Variants in UTRN observed in about 807,000 individuals in gnomAD.
UTRN encodes utrophin, also known as dystrophin-related protein 1.
Under a neutral mutation model 463.9 loss-of-function variants are expected in UTRN, and 283 were observed. The ratio of observed to expected loss-of-function variants is 0.61; its 90% CI spans 0.55 to 0.67. The LOEUF is 0.67. Among genes scored for constraint, UTRN ranks in the 30% least tolerant of loss-of-function variants. The pLI, the probability that UTRN is intolerant of heterozygous loss-of-function variation, is 0.00. For synonymous variants in UTRN, 1,442 were observed against 1,431.5 expected, an observed-to-expected ratio of 1.01 and a Z score of -0.17; for missense variants, 3,922 against 4,084.3, an observed-to-expected ratio of 0.96 and a Z score of 1.08.
intron 51 of UTRN, among the ~76,000 whole-genome samples, chr6:144,602,090 T>G: frequency 6.6e-6 from 1 of 152,008 alleles, no homozygotes; most frequent in East Asian, 1.9e-4. Flanking sequence ...TTATCATGAG[T>G]CAATTGATAT....
At chr6:144,325,353 A>G (rs963216723) in intron 2 of UTRN, among the ~76,000 whole-genome samples, 7 of 152,104 alleles carry the variant, frequency 4.6e-5, no homozygotes, top group African/African-American at 1.7e-4. Context: ...TATAAAAGTG[A>G]GTTTGACTCT....
rs1486295851 is a variant in UTRN, at chr6:144,485,437, C to T, written c.3740C>T (p.Thr1247Ile). The T allele has an allele frequency of 4.3e-6, 7 of 1,614,008 alleles. No individual in the cohort carries two copies. In the Admixed American group the frequency reaches 1.2e-4, roughly 27 times the overall value. The change falls in exon 28 of 75, where the codon ACC (threonine) becomes ATC (isoleucine). Residue 1247 changes from threonine to isoleucine, a missense_variant. Coordinates refer to ENST00000367545, the MANE Select transcript of UTRN (RefSeq NM_007124.3). Reference sequence around the variant, plus strand: ...CTTCACTATTTGGATCTTGAAACTACCTGGTTAAACACTTTGGAAGAGCGG... The same window carrying T: ...CTTCACTATTTGGATCTTGAAACTATCTGGTTAAACACTTTGGAAGAGCGG... ...ELLHYLDLET[T>I]WLNTLEERMK...
intron 2 of UTRN, among the ~76,000 whole-genome samples, chr6:144,362,310 C>A (rs921267626): frequency 6.6e-6 from 1 of 152,160 alleles, no homozygotes; most frequent in African/African-American, 2.4e-5. Flanking sequence ...TGCACACCAC[C>A]CCCCATCTGC....
intron 27 of UTRN, among the ~76,000 whole-genome samples, chr6:144,482,605 A>G (rs1792012502): frequency 6.6e-6 from 1 of 152,158 alleles, no homozygotes; most frequent in Admixed American, 6.5e-5. Flanking sequence ...CAGGAGACCA[A>G]AATCTGTCCC....
chr6:144,445,637 GTTTACATTTCATGTTACAAATA>G (rs973529849), intron 14 of UTRN, among the ~76,000 whole-genome samples: 45 of 151,454 alleles, frequency 3.0e-4, no homozygotes, highest in South Asian at 2.1e-3. Flanking sequence ...TTTATGAAAT[GTTTACATTTCATGTTACAAATA>G]TTTACATTTC....
intron 2 of UTRN, among the ~76,000 whole-genome samples, chr6:144,377,020 A>G (rs1028932428): frequency 1.3e-5 from 2 of 152,150 alleles, no homozygotes; most frequent in South Asian, 2.1e-4. Flanking sequence ...ATATTTTTCT[A>G]TACCAAGTCA....
At chr6:144,575,285 T>C (rs1210636637) in intron 50 of UTRN, among the ~76,000 whole-genome samples, 2 of 152,124 alleles carry the variant, frequency 1.3e-5, no homozygotes, top group Admixed American at 6.5e-5. Context: ...AAAGTACAAA[T>C]AGGAAAGTAA....
intron 2 of UTRN, among the ~76,000 whole-genome samples, chr6:144,292,816 T>G (rs1804366099): frequency 6.6e-6 from 1 of 152,204 alleles, no homozygotes. Flanking sequence ...AGCCTGTTTT[T>G]GCTGTGTGAA....
At chr6:144,551,765 C>T (rs1798940133) in intron 48 of UTRN, among the ~76,000 whole-genome samples, 1 of 152,194 alleles carries the variant, frequency 6.6e-6, no homozygotes. Context: ...TACCCCTTTT[C>T]TCACTTCAGC....
chr6:144,473,090 G>T (rs1249718811), intron 23 of UTRN, among the ~76,000 whole-genome samples: 1 of 152,092 alleles, frequency 6.6e-6, no homozygotes, highest in Non-Finnish European at 1.5e-5. Flanking sequence ...TTAAGGCCTG[G>T]TTCCAATGTT....
At chr6:144,809,384 T>C (rs538620743) in intron 65 of UTRN, among the ~76,000 whole-genome samples, 1 of 152,218 alleles carries the variant, frequency 6.6e-6, no homozygotes, top group South Asian at 2.1e-4. Context: ...AGATGAAAAG[T>C]ATATTTGAAG....
chr6:144,373,047 T>G (rs1206053581), intron 2 of UTRN, among the ~76,000 whole-genome samples: 1 of 152,164 alleles, frequency 6.6e-6, no homozygotes, highest in Non-Finnish European at 1.5e-5. Flanking sequence ...GTGGGAAAAT[T>G]AGAACCTTAT....
At chr6:144,455,013 C>G (rs779475945) in intron 19 of UTRN, among the ~76,000 whole-genome samples, 2 of 151,906 alleles carry the variant, frequency 1.3e-5, no homozygotes, top group Non-Finnish European at 2.9e-5. Flanking sequence ...TTGCCTCCAG[C>G]CTTTAACAAA....
chr6:144,385,992 A>T (rs1035592885), intron 2 of UTRN, among the ~76,000 whole-genome samples: 15 of 152,170 alleles, frequency 9.9e-5, no homozygotes, highest in African/African-American at 2.9e-4. Flanking sequence ...TATAGGCATG[A>T]GCCACTGTCC....
chr6:144,497,244 T>C (rs779672820), intron 33 of UTRN, among the ~76,000 whole-genome samples: 2 of 151,918 alleles, frequency 1.3e-5, no homozygotes, highest in South Asian at 2.1e-4. Context: ...AGAGTGGAGA[T>C]GGAGTGAGTG....
chr6:144,416,282 C>T (rs1440221601), intron 3 of UTRN, among the ~76,000 whole-genome samples: 1 of 152,194 alleles, frequency 6.6e-6, no homozygotes, highest in Non-Finnish European at 1.5e-5. Context: ...GGAGGTTATA[C>T]ATATAAATTC....
chr6:144,523,894 A>G (rs989562778), intron 41 of UTRN, among the ~76,000 whole-genome samples: 1 of 152,224 alleles, frequency 6.6e-6, no homozygotes, highest in South Asian at 2.1e-4. Context: ...TTCTGTTTAA[A>G]TGAATGCTTT....
intron 51 of UTRN, among the ~76,000 whole-genome samples, chr6:144,657,418 G>A (rs555218616): frequency 1.4e-3 from 219 of 152,274 alleles, no homozygotes; most frequent in African/African-American, 4.9e-3. Context: ...AAAGGCAACA[G>A]TTTCTGGATA....
At chr6:144,430,793 G>A (rs1785754413) in intron 9 of UTRN, among the ~76,000 whole-genome samples, 1 of 151,966 alleles carries the variant, frequency 6.6e-6, no homozygotes, top group Middle Eastern at 3.2e-3. Context: ...TATGATACTA[G>A]TCTTGAATTG....
Sources: gnomAD v4.1 joint callset for allele counts (sites outside exome capture counted in the v4.1 genomes callset) on GRCh38, gnomAD v4.1.1 for gene constraint, MANE v1.5 for transcripts, NCBI Gene and HGNC (gene_info 2026-07-23, HGNC 2026-07-21) for gene names.